The following RAB19 variants were observed in gnomAD, a reference collection of about 807,000 sequenced individuals.
RAB19 encodes ras-related protein Rab-19.
In RAB19, 21 loss-of-function variants were observed where a neutral mutation model predicts 17.3. That is an observed-to-expected ratio of 1.21 (90% confidence interval 0.86 to 1.74). The LOEUF is 1.74. Ranked by LOEUF, RAB19 falls within the 40% of genes most tolerant of loss-of-function variation. The pLI, the probability that RAB19 is intolerant of heterozygous loss-of-function variation, is 0.00. For missense variants in RAB19, 277 were observed against 286.8 expected (o/e 0.97, Z 0.25); for synonymous variants, 126 against 110.4 (o/e 1.14, Z -0.88).
intron 3 of RAB19, among the ~76,000 whole-genome samples, chr7:140,413,971 G>A (rs966284692): frequency 7.9e-5 from 12 of 152,136 alleles, no homozygotes; most frequent in African/African-American, 2.2e-4. Context: ...CATGCATCTC[G>A]AGGACACAGT....
intron 3 of RAB19, among the ~76,000 whole-genome samples, chr7:140,417,487 C>T (rs1231777045): frequency 6.6e-6 from 1 of 152,038 alleles, no homozygotes; most frequent in African/African-American, 2.4e-5. Context: ...TTCCTTTTCC[C>T]ACCACATCCC....
rs1799689309 is a variant in RAB19, at chr7:140,427,330, A to G, written c.*1180A>G. Among the ~76,000 whole-genome samples, 1 of 145,896 alleles carries G rather than the reference A, an allele frequency of 6.9e-6. No individual in the cohort carries two copies. The highest frequency in any genetic ancestry group is 2.2e-4 in the South Asian group (1 of 4,640). On this transcript the variant is annotated 3_prime_UTR_variant, in exon 4 of 4. Coordinates refer to ENST00000537763, the MANE Select transcript of RAB19 (RefSeq NM_001008749.3). ...CACGCCCAGCTCATTTTTTTTGTAT[A>G]TTTAGTAGAGACTGGGTTTCACTAC...
At chr7:140,411,741 A>C (rs1585418845) in intron 2 of RAB19, 133 bp from the exon 3 acceptor site, 1 of 1,550,486 alleles carries the variant, frequency 6.4e-7, no homozygotes, top group Admixed American at 2.0e-5. Flanking sequence ...CCTGGGTCCC[A>C]CCCCAGATCT....
At chr7:140,411,754 T>G (rs1254165178) in intron 2 of RAB19, 120 bp from the exon 3 acceptor site, 1 of 1,579,832 alleles carries the variant, frequency 6.3e-7, no homozygotes, top group Non-Finnish European at 8.6e-7. Flanking sequence ...CCAGATCTAC[T>G]GGGTCTGAAT....
At chr7:140,420,420 CAAAAA>C (rs560889183) in intron 3 of RAB19, among the ~76,000 whole-genome samples, 1 of 87,316 alleles carries the variant, frequency 1.1e-5, no homozygotes, top group Non-Finnish European at 2.2e-5. Context: ...GACTCCATAT[CAAAAA>C]AAAAAAAAAA....
intron 2 of RAB19, among the ~76,000 whole-genome samples, chr7:140,410,211 T>G (rs897028212): frequency 4.0e-5 from 6 of 151,002 alleles, no homozygotes; most frequent in Admixed American, 2.0e-4. Flanking sequence ...CAGCTCGCTA[T>G]AGCCTCGACT....
At chr7:140,414,755 T>C (rs1799425212) in intron 3 of RAB19, among the ~76,000 whole-genome samples, 1 of 152,186 alleles carries the variant, frequency 6.6e-6, no homozygotes, top group East Asian at 1.9e-4. Flanking sequence ...CACGTGCTTC[T>C]TTCTGTCTCA....
At position 140,426,041 on chromosome 7, in the gene RAB19, G is replaced by T. The variant is rs558153548; in HGVS notation, c.545G>T (p.Arg182Leu). ...CTCATGGCCAAGGAGCTGATCGCGC[G>T]CAACAGCCTGCACCTATATGGGGAG... ...FVLMAKELIA[R>L]NSLHLYGESA... Residue 182 changes from arginine to leucine, a missense_variant, in exon 4 of 4, where the codon CGC becomes CTC. Arg to Leu is a moderately radical substitution (Grantham distance 102). Transcript: ENST00000537763. The T allele has an allele frequency of 6.2e-7, 1 of 1,614,108 alleles. No homozygotes were observed. The highest frequency in any genetic ancestry group is 8.5e-7 in the Non-Finnish European group (1 of 1,180,022).
chr7:140,427,690 T>A lies in RAB19; in HGVS notation c.*1540T>A, dbSNP rs751820691. On this transcript the variant is annotated 3_prime_UTR_variant, in exon 4 of 4. Coordinates refer to ENST00000537763, the MANE Select transcript of RAB19 (RefSeq NM_001008749.3). The stretch of plus-strand genomic sequence containing the variant: ...TGGTCTCGAACTCCTGACCTCATGA[T>A]CCACCTGTCTCGTGGCCTCCCAAAG... Among the ~76,000 whole-genome samples the A allele has an allele frequency of 1.3e-5, 2 of 151,782 alleles. No individual in the cohort carries two copies. Among genetic ancestry groups the A allele is most frequent in the Non-Finnish European group, 2.9e-5 (2 of 67,920 alleles).
rs753714337 is a variant in RAB19 at position 140,424,605 on chromosome 7, CTCTCTCTCTCTCTCTATA to C, written c.386-1275_386-1258del. Among the ~76,000 whole-genome samples the C allele has an allele frequency of 3.5e-3, 433 of 123,132 alleles. 1 individual carries two copies. Among genetic ancestry groups the C allele is most frequent in the South Asian group, 9.1e-3 (35 of 3,842 alleles). The allele number at this position is 123,132 out of a possible 152,430, so 80.8% of individuals were successfully genotyped here. Reference sequence around the variant, plus strand: ...CCTCTCCCTCTCTCTCTCTCTCTCTCTCTCTCTCTCTCTCTATATATATATATATATATATGTGTGTGT... The same window carrying C: ...CCTCTCCCTCTCTCTCTCTCTCTCTCTATATATATATATATATGTGTGTGT... On this transcript the variant is annotated intron_variant, in intron 3 of 3. Coordinates refer to ENST00000537763, the MANE Select transcript of RAB19 (RefSeq NM_001008749.3).
intron 3 of RAB19, among the ~76,000 whole-genome samples, chr7:140,419,392 T>C (rs2082881166): frequency 6.6e-6 from 1 of 152,168 alleles, no homozygotes; most frequent in Non-Finnish European, 1.5e-5. Flanking sequence ...GTTTTGTACG[T>C]TATATATAAA....
chr7:140,410,714 T>C (rs1175003555), intron 2 of RAB19, among the ~76,000 whole-genome samples: 8 of 152,066 alleles, frequency 5.3e-5, no homozygotes, highest in Admixed American at 5.2e-4. Context: ...CACCTCAGCC[T>C]CCCAAAGTGC....
intron 3 of RAB19, among the ~76,000 whole-genome samples, chr7:140,420,184 G>C (rs927415927): frequency 6.6e-6 from 1 of 152,084 alleles, no homozygotes; most frequent in Non-Finnish European, 1.5e-5. Flanking sequence ...ACTTTGGGAG[G>C]CCGAGGCAGG....
intron 2 of RAB19, among the ~76,000 whole-genome samples, chr7:140,410,739 T>C (rs1054825383): frequency 6.6e-6 from 1 of 152,148 alleles, no homozygotes; most frequent in Non-Finnish European, 1.5e-5. Context: ...ATCACAGGCA[T>C]GAGCCACTGC....
intron 2 of RAB19, among the ~76,000 whole-genome samples, chr7:140,408,944 G>C (rs1388419608): frequency 6.6e-6 from 1 of 152,160 alleles, no homozygotes; most frequent in Non-Finnish European, 1.5e-5. Context: ...ATTTGTTGTA[G>C]AGACAGGATT....
intron 3 of RAB19, among the ~76,000 whole-genome samples, chr7:140,415,677 G>C (rs1046700570): frequency 1.3e-5 from 2 of 152,184 alleles, no homozygotes; most frequent in African/African-American, 4.8e-5. Context: ...TCAATGCTGG[G>C]CATGGTGGCT....
rs571794630 is a variant in RAB19, at chr7:140,426,966, C to A, written c.*816C>A. On this transcript the variant is annotated 3_prime_UTR_variant, in exon 4 of 4. Transcript: ENST00000537763. The stretch of plus-strand genomic sequence containing the variant: ...AAGAGGTTCTCCCACCTCAGTCTCC[C>A]AAGTGGCTGGGACTACAGACACACG... Among the ~76,000 whole-genome samples, 176 of 151,184 alleles carry A rather than the reference C, an allele frequency of 1.2e-3. No homozygotes were observed. Among genetic ancestry groups the A allele is most frequent in the African/African-American group, 4.1e-3 (167 of 41,172 alleles).
At chr7:140,413,168 C>T (rs955015390) in intron 3 of RAB19, among the ~76,000 whole-genome samples, 1 of 152,120 alleles carries the variant, frequency 6.6e-6, no homozygotes, top group African/African-American at 2.4e-5. Context: ...TTCTTAGCAC[C>T]TTTGTCGAAA....
At chr7:140,407,952 C>T (rs1799279926) in intron 2 of RAB19, 105 bp downstream of exon 2, 9 of 882,624 alleles carry the variant, frequency 1.0e-5, no homozygotes, top group Non-Finnish European at 1.5e-5. Flanking sequence ...GCAAGCTCCG[C>T]CTCCCGGGTT....
Sources: gnomAD v4.1 joint callset for allele counts (sites outside exome capture counted in the v4.1 genomes callset) on GRCh38, gnomAD v4.1.1 for gene constraint, MANE v1.5 for transcripts, NCBI Gene and HGNC (gene_info 2026-07-23, HGNC 2026-07-21) for gene names.